PIR: variants seen among roughly 807,000 people sequenced by gnomAD.
PIR encodes pirin.
Under a neutral mutation model 24.2 loss-of-function variants are expected in PIR, and 22 were observed. The ratio of observed to expected loss-of-function variants is 0.91; its 90% CI spans 0.65 to 1.30. The LOEUF (loss-of-function observed/expected upper bound fraction) is 1.30, where lower values mean the gene tolerates loss of function less well. Ranked by LOEUF, PIR falls within the 50% of genes most tolerant of loss-of-function variation. PIR has a pLI of 0.00. For missense variants in PIR, 220 were observed against 220.3 expected (o/e 1.00, Z 0.01); for synonymous variants, 80 against 79.6 (o/e 1.00, Z -0.03).
intron 3 of PIR, among the ~76,000 whole-genome samples, chrX:15,471,552 C>T (rs890603968): frequency 1.3e-4 from 15 of 111,572 alleles, no homozygotes; most frequent in African/African-American, 4.9e-4. Flanking sequence ...ACCTCCCATC[C>T]TTCCACATCC....
Position 15,463,705 on chromosome X carries a change from T to C in PIR, c.190-3965A>G, listed in dbSNP as rs1921411734. Among the ~76,000 whole-genome samples the C allele has an allele frequency of 3.6e-5, 4 of 112,287 alleles. No homozygotes were observed. The Admixed American group carries it at 3.8e-4, about 11-fold the overall frequency. On this transcript the variant is annotated intron_variant, in intron 3 of 9. Coordinates refer to ENST00000380420, the MANE Select transcript of PIR (RefSeq NM_001018109.3). ...TATGGTAATGGCAACAATGCAACACTGGCACAGGGATAGAAGAGACCCATT... is the reference window on the plus strand; with the variant it reads ...TATGGTAATGGCAACAATGCAACACCGGCACAGGGATAGAAGAGACCCATT...
chrX:15,439,869 A>C (rs1269960286), intron 5 of PIR, among the ~76,000 whole-genome samples: 1 of 112,125 alleles, frequency 8.9e-6, no homozygotes, highest in African/African-American at 3.2e-5. Context: ...GTACAGTTTT[A>C]ATAACATGAC....
At chrX:15,405,438 A>G (rs923752201) in intron 7 of PIR, among the ~76,000 whole-genome samples, 1 of 112,283 alleles carries the variant, frequency 8.9e-6, no homozygotes, top group Non-Finnish European at 1.9e-5. Context: ...TGCAACTGAG[A>G]CTATATGCCT....
Position 15,395,654 on chromosome X carries a change from G to A in PIR, c.693+1795C>T, listed in dbSNP as rs148362703. Among the ~76,000 whole-genome samples, 11 of 112,129 alleles carry A rather than the reference G, an allele frequency of 9.8e-5. No individual in the cohort carries two copies. The East Asian group carries it at 3.1e-3, about 31-fold the overall frequency. Reference sequence around the variant, plus strand: ...CTGAAGCTCAGAGGGCTTTACAAACGTGTCCAAAGTCACAACAGCTAACAA... The same window carrying A: ...CTGAAGCTCAGAGGGCTTTACAAACATGTCCAAAGTCACAACAGCTAACAA... On this transcript the variant is annotated intron_variant, in intron 8 of 9. Coordinates refer to ENST00000380420, the MANE Select transcript of PIR (RefSeq NM_001018109.3).
In PIR at chrX:15,406,203, A is replaced by G. The variant is rs1924544810; in HGVS notation, c.610+1303T>C. On this transcript the variant is annotated intron_variant, in intron 7 of 9. Transcript: ENST00000380420. ...CCCTGAGATGCCCCACCCCATCCAC[A>G]CCACCCATAACCGTCTGTGGGGATG... Among the ~76,000 whole-genome samples the G allele has an allele frequency of 5.4e-5, 6 of 112,066 alleles. No homozygotes were observed. The South Asian group carries it at 2.2e-3, about 41-fold the overall frequency.
In PIR at chrX:15,479,734, C is replaced by CA; in HGVS notation, c.183dup (p.Glu62Ter). 1.8e-6 allele frequency: 2 copies of CA among 1,125,600 alleles called. No homozygotes were observed. The highest frequency in any genetic ancestry group is 3.9e-5 in the South Asian group (2 of 50,696). The allele number at this position is 1,125,600 out of a possible 1,213,427, so 92.8% of individuals were successfully genotyped here. ...AGTCAAATTATTGTACTTACTGTTT[C>CA]AAAACCTCGATGTGGATGATCAGGA... On this transcript the variant is annotated frameshift_variant, in exon 3 of 10. Transcript: ENST00000380420. LOFTEE classifies it high-confidence loss of function.
chrX:15,454,255 C>T (rs1454543143), intron 5 of PIR, among the ~76,000 whole-genome samples: 1 of 111,381 alleles, frequency 9.0e-6, no homozygotes, highest in Non-Finnish European at 1.9e-5. Context: ...CTGAAAAGGG[C>T]ACTCACTGAC....
chrX:15,387,555 G>T (rs1042348617), intron 9 of PIR, among the ~76,000 whole-genome samples: 1 of 111,492 alleles, frequency 9.0e-6, no homozygotes, highest in East Asian at 2.8e-4. Context: ...AAGAAAAAGA[G>T]AGTTAACATA....
At chrX:15,490,744 A>T (rs759511476) in intron 2 of PIR, among the ~76,000 whole-genome samples, 1 of 112,014 alleles carries the variant, frequency 8.9e-6, no homozygotes, top group South Asian at 3.7e-4. Flanking sequence ...GGCCTGATCT[A>T]TGCTCAACCA....
chrX:15,470,759 G>A (rs1231456498), intron 3 of PIR, among the ~76,000 whole-genome samples: 11 of 109,245 alleles, frequency 1.0e-4, no homozygotes, highest in African/African-American at 2.3e-4. Flanking sequence ...CCACCACCAC[G>A]CCCAGCTAAT....
At chrX:15,419,288 A>C in intron 6 of PIR, among the ~76,000 whole-genome samples, 1 of 110,689 alleles carries the variant, frequency 9.0e-6, no homozygotes, top group Admixed American at 9.7e-5. Context: ...GGCACTAAAC[A>C]GAGAAGCCTC....
chrX:15,446,022 G>C (rs1926089042), intron 5 of PIR, among the ~76,000 whole-genome samples: 1 of 108,334 alleles, frequency 9.2e-6, no homozygotes, highest in Non-Finnish European at 1.9e-5. Context: ...GTAGAGACGG[G>C]GTTTCACCAT....
At chrX:15,466,336 C>A (rs1921593817) in intron 3 of PIR, among the ~76,000 whole-genome samples, 1 of 111,635 alleles carries the variant, frequency 9.0e-6, no homozygotes, top group Admixed American at 9.5e-5. Flanking sequence ...CAACACGGTT[C>A]AGGTATTCGG....
chrX:15,462,604 A>G (rs1921354866), intron 3 of PIR, among the ~76,000 whole-genome samples: 1 of 112,380 alleles, frequency 8.9e-6, no homozygotes, highest in Non-Finnish European at 1.9e-5. Flanking sequence ...AGTCAAAGCC[A>G]GATTGTTTTT....
Position 15,396,223 on chromosome X carries a change from T to C in PIR, c.693+1226A>G, listed in dbSNP as rs137869586. On this transcript the variant is annotated intron_variant, in intron 8 of 9. Coordinates refer to ENST00000380420, the MANE Select transcript of PIR (RefSeq NM_001018109.3). ...CGCAGTTTCATATGGCTCAGTCTAA[T>C]ATTAAAGGGCACTGACCCTGACATA... Among the ~76,000 whole-genome samples, 1,010 of 112,027 alleles carry C rather than the reference T, an allele frequency of 9.0e-3. 8 individuals carry two copies. The highest frequency in any genetic ancestry group is 0.031 in the African/African-American group (945 of 30,809).
intron 6 of PIR, among the ~76,000 whole-genome samples, chrX:15,408,410 A>G (rs1226626198): frequency 9.0e-6 from 1 of 111,458 alleles, no homozygotes; most frequent in African/African-American, 3.3e-5. Context: ...GGGCTCCAGG[A>G]TGGCCTGTGA....
At chrX:15,388,657 T>C (rs1185998786) in intron 9 of PIR, among the ~76,000 whole-genome samples, 1 of 111,921 alleles carries the variant, frequency 8.9e-6, no homozygotes, top group Non-Finnish European at 1.9e-5. Flanking sequence ...GACTACATCA[T>C]GGCTAAGGTT....
chrX:15,434,976 T>C (rs950074788), intron 5 of PIR, among the ~76,000 whole-genome samples: 10 of 111,648 alleles, frequency 9.0e-5, no homozygotes, highest in Non-Finnish European at 1.7e-4. Flanking sequence ...TTGGGGAGGC[T>C]GAAGCAGGCA....
chrX:15,453,391 A>C (rs777329131), intron 5 of PIR, among the ~76,000 whole-genome samples: 2 of 112,340 alleles, frequency 1.8e-5, no homozygotes, highest in Non-Finnish European at 3.8e-5. Flanking sequence ...AGTCCTATTT[A>C]ATAGATGAGA....
Sources: gnomAD v4.1 joint callset for allele counts (sites outside exome capture counted in the v4.1 genomes callset) on GRCh38, gnomAD v4.1.1 for gene constraint, MANE v1.5 for transcripts, NCBI Gene and HGNC (gene_info 2026-07-23, HGNC 2026-07-21) for gene names.